Variants in FIGN observed in about 807,000 individuals in gnomAD.
The protein encoded by FIGN is fidgetin.
FIGN carries 11 observed loss-of-function variants against 51.3 expected under a neutral mutation model. That is an observed-to-expected ratio of 0.21 (90% CI 0.13 to 0.35). The LOEUF (loss-of-function observed/expected upper bound fraction) is 0.35, where lower values mean the gene tolerates loss of function less well. FIGN is among the 10% of genes least tolerant of loss of function. FIGN has a pLI of 1.00. For synonymous variants in FIGN, 407 were observed against 363.2 expected, an observed-to-expected ratio of 1.12 and a Z score of -1.37; for missense variants, 857 against 943.6, an observed-to-expected ratio of 0.91 and a Z score of 1.20.
At chr2:163,627,230 G>T (rs1683067604) in intron 2 of FIGN, among the ~76,000 whole-genome samples, 1 of 152,032 alleles carries the variant, frequency 6.6e-6, no homozygotes, top group South Asian at 2.1e-4. Flanking sequence ...CCCTATCTTG[G>T]GGTCTGGATC....
At chr2:163,694,064 G>A (rs1435767604) in intron 2 of FIGN, among the ~76,000 whole-genome samples, 1 of 152,198 alleles carries the variant, frequency 6.6e-6, no homozygotes, top group African/African-American at 2.4e-5. Flanking sequence ...ACCATCTCAT[G>A]CCTAGACGGG....
chr2:163,703,648 T>G (rs1684444305), intron 2 of FIGN, among the ~76,000 whole-genome samples: 1 of 152,082 alleles, frequency 6.6e-6, no homozygotes, highest in Non-Finnish European at 1.5e-5. Context: ...TTTCACTATT[T>G]GTAGGGCTCC....
Position 163,726,945 on chromosome 2 carries a change from G to T in FIGN, c.25+7958C>A, listed in dbSNP as rs182256253. Among the ~76,000 whole-genome samples, 347 of 152,118 alleles carry T rather than the reference G, an allele frequency of 2.3e-3. 2 individuals carry two copies. The highest frequency in any genetic ancestry group is 8.1e-3 in the African/African-American group (338 of 41,550). ...TTGATCTGAAAATGGGGATTGTAAT[G>T]AAAATGCCTTCAATCTTAAGGGAAC... On this transcript the variant is annotated intron_variant, in intron 2 of 2. Transcript: ENST00000333129.
In FIGN at chr2:163,611,464, C is replaced by T. The variant is rs1443543534; in HGVS notation, c.368G>A (p.Cys123Tyr). The change falls in exon 3 of 3, where the codon TGT becomes TAT. Residue 123 changes from cysteine to tyrosine, a missense_variant. Physicochemically the swap from Cys to Tyr is radical, Grantham distance 194. This residue lies in a region of FIGN where 799 missense variants were observed against 849.5 expected (regional missense o/e 0.94). Transcript: ENST00000333129. The part of the protein sequence containing the change: ...LNSEAVYPMN[C>Y]VPDVITASKA... ...GCTGGCAGTGATAACATCCGGAACA[C>T]AGTTCATGGGATAAACAGCTTCTGA... 6.2e-7 allele frequency: 1 copy of T among 1,614,200 alleles called. No individual in the cohort carries two copies.
Position 163,614,192 on chromosome 2 carries a change from T to C in FIGN, c.26-2386A>G, listed in dbSNP as rs1407008942. 3.3e-5 allele frequency among the ~76,000 whole-genome samples: 5 copies of C among 152,190 alleles called. No individual in the cohort carries two copies. The East Asian group carries it at 9.6e-4, about 29-fold the overall frequency. ...TTAATTATTTCTGCTTTCTCAATCA[T>C]TACTTTTTAAGGGGGAGGAAAACAC... On this transcript the variant is annotated intron_variant, in intron 2 of 2. Coordinates refer to ENST00000333129, the MANE Select transcript of FIGN (RefSeq NM_018086.4).
intron 2 of FIGN, among the ~76,000 whole-genome samples, chr2:163,694,657 G>A (rs575921591): frequency 1.3e-5 from 2 of 152,198 alleles, no homozygotes; most frequent in Admixed American, 6.5e-5. Context: ...AGATCATATA[G>A]CCATTATCTA....
intron 2 of FIGN, among the ~76,000 whole-genome samples, chr2:163,634,990 A>G (rs1042094677): frequency 6.6e-6 from 1 of 152,214 alleles, no homozygotes. Context: ...GTGACAAACA[A>G]CCTGCCCTAC....
At chr2:163,711,717 C>T (rs1320160509) in intron 2 of FIGN, among the ~76,000 whole-genome samples, 1 of 150,450 alleles carries the variant, frequency 6.6e-6, no homozygotes, top group Admixed American at 6.6e-5. Flanking sequence ...ACAGTGTAAG[C>T]AAGGCAAAGA....
chr2:163,735,704 GGAAATTGAATTTAA>G (rs1222633396), intron 1 of FIGN, 120 bp downstream of exon 1: 1 of 152,218 alleles, frequency 6.6e-6, no homozygotes, highest in African/African-American at 2.4e-5. Context: ...AGAAACGAGT[GGAAATTGAATTTAA>G]TGTTTACGGC....
chr2:163,709,222 T>G (rs566145556), intron 2 of FIGN, among the ~76,000 whole-genome samples: 1 of 152,188 alleles, frequency 6.6e-6, no homozygotes, highest in African/African-American at 2.4e-5. Flanking sequence ...AGACACTCCT[T>G]GGGCAATCCA....
rs777532928 is a variant in FIGN, at chr2:163,611,318, T to A, written c.514A>T (p.Thr172Ser). Residue 172 changes from threonine (T) to serine (S), a missense_variant, in exon 3 of 3, where the codon ACT (threonine) becomes TCT (serine). Coordinates refer to ENST00000333129, the MANE Select transcript of FIGN (RefSeq NM_018086.4). ...SYSSSTCGSH[T>S]VPSLHAGLPS... Reference sequence around the variant, plus strand: ...AGCCCTGCATGAAGACTGGGTACAGTGTGGCTTCCACAGGTACTACTTGAA... The same window carrying A: ...AGCCCTGCATGAAGACTGGGTACAGAGTGGCTTCCACAGGTACTACTTGAA... The A allele has an allele frequency of 1.2e-6, 2 of 1,614,022 alleles. No homozygotes were observed. Among genetic ancestry groups the A allele is most frequent in the Non-Finnish European group, 1.7e-6 (2 of 1,180,034 alleles).
chr2:163,714,930 C>A (rs1233159894), intron 2 of FIGN, among the ~76,000 whole-genome samples: 1 of 152,150 alleles, frequency 6.6e-6, no homozygotes, highest in African/African-American at 2.4e-5. Context: ...TTTTCAAATT[C>A]ATTTTTATTT....
At chr2:163,724,828 C>CT (rs879697161) in intron 2 of FIGN, among the ~76,000 whole-genome samples, 41 of 152,160 alleles carry the variant, frequency 2.7e-4, no homozygotes, top group African/African-American at 9.4e-4. Context: ...TGTTTTCACA[C>CT]TTTTTAAAAT....
intron 2 of FIGN, among the ~76,000 whole-genome samples, chr2:163,624,676 G>T (rs1006062831): frequency 7.2e-6 from 1 of 138,080 alleles, no homozygotes; most frequent in African/African-American, 2.6e-5. Context: ...ATCAAGGAAA[G>T]ATTATATATA....
chr2:163,654,257 T>A (rs1200474403), intron 2 of FIGN, among the ~76,000 whole-genome samples: 2 of 152,150 alleles, frequency 1.3e-5, no homozygotes, highest in Non-Finnish European at 1.5e-5. Flanking sequence ...ATATACTATA[T>A]AATTTTATTT....
intron 2 of FIGN, among the ~76,000 whole-genome samples, chr2:163,626,448 T>C (rs1683054772): frequency 6.6e-6 from 1 of 152,178 alleles, no homozygotes; most frequent in South Asian, 2.1e-4. Flanking sequence ...ATGTCAGGTA[T>C]GAATGTTTTA....
rs184006818 is a variant in FIGN at position 163,612,853 on chromosome 2, T to C, written c.26-1047A>G. ...GATAAGAATGGAGAGAGATTCTGGA[T>C]TCTAACTCTTTCAATTTCTATAGGA... On this transcript the variant is annotated intron_variant, in intron 2 of 2. Transcript: ENST00000333129. Among the ~76,000 whole-genome samples the C allele has an allele frequency of 2.5e-4, 38 of 151,566 alleles. No homozygotes were observed. The East Asian group carries it at 7.4e-3, about 29-fold the overall frequency.
chr2:163,677,547 C>T (rs933337548), intron 2 of FIGN, among the ~76,000 whole-genome samples: 1 of 152,190 alleles, frequency 6.6e-6, no homozygotes, highest in African/African-American at 2.4e-5. Context: ...AGGCTAGTGG[C>T]TACTATGCTG....
intron 2 of FIGN, among the ~76,000 whole-genome samples, chr2:163,703,382 T>C (rs760169575): frequency 3.0e-4 from 46 of 152,274 alleles, no homozygotes; most frequent in Admixed American, 6.5e-4. Flanking sequence ...TAAAAATGGT[T>C]ACTTTAAAAG....
Sources: gnomAD v4.1 joint callset for allele counts (sites outside exome capture counted in the v4.1 genomes callset) on GRCh38, gnomAD v4.1.1 for gene constraint, gnomAD v4.1.1 regional missense constraint, MANE v1.5 for transcripts, NCBI Gene and HGNC (gene_info 2026-07-23, HGNC 2026-07-21) for gene names.